The following PCDHA7 variants were observed in gnomAD, a reference collection of about 807,000 sequenced individuals.
PCDHA7 encodes the protein protocadherin alpha-7.
PCDHA7 carries 37 observed loss-of-function variants against 57.2 expected under a neutral mutation model. The ratio of observed to expected loss-of-function variants is 0.65; its 90% confidence interval spans 0.50 to 0.85. The LOEUF is 0.85. Among genes scored for constraint, PCDHA7 ranks in the 40% least tolerant of loss-of-function variants. The pLI is 0.00. For synonymous variants in PCDHA7, 553 were observed against 558.8 expected, an observed-to-expected ratio of 0.99 and a Z score of 0.15; for missense variants, 1,188 against 1,241.8, an observed-to-expected ratio of 0.96 and a Z score of 0.65.
intron 1 of PCDHA7, among the ~76,000 whole-genome samples, chr5:140,952,641 G>T (rs1033672347): frequency 1.3e-5 from 2 of 152,102 alleles, no homozygotes; most frequent in Non-Finnish European, 2.9e-5. Flanking sequence ...TCCAACCTGT[G>T]CCTGGTTACC....
chr5:140,968,257 T>C (rs781932747), intron 1 of PCDHA7: 2 of 1,613,946 alleles, frequency 1.2e-6, no homozygotes, highest in East Asian at 2.2e-5. Context: ...CAGACCCAGA[T>C]GAAAAGGAGA....
chr5:140,882,996 A>G lies in PCDHA7; in HGVS notation c.2355+46258A>G, dbSNP rs782381110. On this transcript the variant is annotated intron_variant, in intron 1 of 3. Transcript: ENST00000525929. The stretch of plus-strand genomic sequence containing the variant: ...GTGAATGACAACGCCCCGGAATTTT[A>G]CCAATCCGTTTATAAAGTGACGGTG... 2.9e-5 allele frequency: 46 copies of G among 1,614,024 alleles called. No individual in the cohort carries two copies. The Middle Eastern group carries it at 4.9e-4, about 17-fold the overall frequency.
intron 1 of PCDHA7, among the ~76,000 whole-genome samples, chr5:140,933,231 A>G (rs1488760874): frequency 4.6e-5 from 7 of 152,008 alleles, no homozygotes; most frequent in Non-Finnish European, 1.0e-4. Context: ...GCATTTATGA[A>G]AAAGAAAGGA....
rs1212055845 is a variant in PCDHA7 at position 140,857,419 on chromosome 5, C to T, written c.2355+20681C>T. On this transcript the variant is annotated intron_variant, in intron 1 of 3. Coordinates refer to ENST00000525929, the MANE Select transcript of PCDHA7 (RefSeq NM_018910.3). ...ACAACGCGCCTGCGTTCGCGCAGTC[C>T]GAGTACACGGTGTTCGTGAAGGAGA... The T allele has an allele frequency of 3.1e-6, 5 of 1,598,216 alleles. 1 individual carries two copies. The African/African-American group carries it at 6.7e-5, about 22-fold the overall frequency.
intron 1 of PCDHA7, among the ~76,000 whole-genome samples, chr5:140,964,575 G>A (rs2153740589): frequency 6.6e-6 from 1 of 152,212 alleles, no homozygotes; most frequent in East Asian, 1.9e-4. Flanking sequence ...GGAGATAAGG[G>A]GAGGAAAGAT....
chr5:140,935,894 CT>C (rs55841305), intron 1 of PCDHA7, among the ~76,000 whole-genome samples: 1,605 of 136,716 alleles, frequency 0.012, 14 homozygotes, highest in Non-Finnish European at 0.016. Context: ...TCAATATTAT[CT>C]TTTTTTTTTT....
rs782395968 is a variant in PCDHA7, at chr5:141,011,916, A to G, written c.*1979A>G. ...TATTATCTATTTAGGCATTAATATA[A>G]AAGAGGTAGGAGTCTGTTATTTAAA... On this transcript the variant is annotated 3_prime_UTR_variant, in exon 4 of 4. Coordinates refer to ENST00000525929, the MANE Select transcript of PCDHA7 (RefSeq NM_018910.3). 4 of 153,828 alleles carry G rather than the reference A, an allele frequency of 2.6e-5. No individual in the cohort carries two copies. The highest frequency in any genetic ancestry group is 4.4e-5 in the Non-Finnish European group (3 of 68,030). 9.5% of individuals were successfully genotyped at this position (153,828 alleles called of 1,614,324 possible). A position where few individuals can be genotyped will look rare whatever the true frequency, so the allele number is the denominator to read the frequency against.
chr5:140,968,444 A>G (rs781941315), intron 1 of PCDHA7: 1 of 1,614,048 alleles, frequency 6.2e-7, no homozygotes, highest in South Asian at 1.1e-5. Context: ...CCCACCACTG[A>G]GCAGCACTGT....
intron 1 of PCDHA7, chr5:140,876,994 G>C (rs375771604): frequency 3.7e-6 from 6 of 1,612,620 alleles, no homozygotes; most frequent in South Asian, 1.1e-5. Context: ...GTCGAGCTAC[G>C]TGTCGGTGCA....
chr5:140,881,326 C>G, intron 1 of PCDHA7: 1 of 984,388 alleles, frequency 1.0e-6, no homozygotes, highest in Non-Finnish European at 1.2e-6. Flanking sequence ...TTCTATTTAA[C>G]CAGGACGCCG....
chr5:140,945,539 A>G (rs1233256432), intron 1 of PCDHA7, among the ~76,000 whole-genome samples: 1 of 152,052 alleles, frequency 6.6e-6, no homozygotes, highest in Non-Finnish European at 1.5e-5. Flanking sequence ...AAACATACAA[A>G]CAAAAAAATG....
intron 1 of PCDHA7, chr5:140,856,279 T>A (rs1554148476): frequency 1.3e-6 from 2 of 1,598,260 alleles, no homozygotes; most frequent in East Asian, 2.2e-5. Flanking sequence ...TGGAGGTAAA[T>A]CTGCAGAATG....
At chr5:140,854,066 G>A (rs1554146981) in intron 1 of PCDHA7, 1 of 273,774 alleles carries the variant, frequency 3.7e-6, no homozygotes, top group Non-Finnish European at 5.6e-6. Context: ...GGAGGCTGAG[G>A]CGAGAGAATC....
At chr5:140,868,461 GC>G (rs1399202356) in intron 1 of PCDHA7, 1 of 152,356 alleles carries the variant, frequency 6.6e-6, no homozygotes, top group African/African-American at 2.4e-5. Flanking sequence ...CTAAAGAGCT[GC>G]TTTTATAAAA....
intron 1 of PCDHA7, chr5:140,870,622 G>A (rs377101052): frequency 6.2e-7 from 1 of 1,613,120 alleles, no homozygotes; most frequent in Admixed American, 1.7e-5. Flanking sequence ...GTCGAGCTAC[G>A]TGTCGGTGCA....
At chr5:141,004,952 C>T (rs543938360) in intron 3 of PCDHA7, among the ~76,000 whole-genome samples, 52 of 152,346 alleles carry the variant, frequency 3.4e-4, no homozygotes, top group African/African-American at 1.2e-3. Context: ...TACCCTCTCT[C>T]GTCACTGCCT....
intron 1 of PCDHA7, chr5:140,875,686 G>A: frequency 6.2e-7 from 1 of 1,613,582 alleles, no homozygotes; most frequent in Non-Finnish European, 8.5e-7. Flanking sequence ...CAAAAGACAC[G>A]GGGACCTTCT....
In PCDHA7 at chr5:141,009,951, A is replaced by G. The variant is rs2303646; in HGVS notation, c.*14A>G. On this transcript the variant is annotated 3_prime_UTR_variant, in exon 4 of 4. Coordinates refer to ENST00000525929, the MANE Select transcript of PCDHA7 (RefSeq NM_018910.3). ...AGTGACCAGTGAGGTCCTCAAATGGAAACAAGCCACTTAGCCAGTTTTTGT... is the reference window on the plus strand; with the variant it reads ...AGTGACCAGTGAGGTCCTCAAATGGGAACAAGCCACTTAGCCAGTTTTTGT... 5,767 of 1,593,458 alleles carry G rather than the reference A, an allele frequency of 3.6e-3. 231 individuals are homozygous for G. In the East Asian group the frequency reaches 0.095, roughly 26 times the overall value.
rs2150475793 is a variant in PCDHA7, at chr5:140,850,253, C to T, written c.2355+13515C>T. The T allele has an allele frequency of 4.7e-5, 75 of 1,593,644 alleles. 4 individuals carry two copies. The highest frequency in any genetic ancestry group is 6.3e-5 in the Non-Finnish European group (73 of 1,167,036). On this transcript the variant is annotated intron_variant, in intron 1 of 3. Coordinates refer to ENST00000525929, the MANE Select transcript of PCDHA7 (RefSeq NM_018910.3). ...GCGAGATGGTGCTGCGGTCGGTGGG[C>T]GCCGGCGTAGTGGTGGGGAAGGTGC...
Sources: gnomAD v4.1 joint callset for allele counts (sites outside exome capture counted in the v4.1 genomes callset) on GRCh38, gnomAD v4.1.1 for gene constraint, MANE v1.5 for transcripts, NCBI Gene and HGNC (gene_info 2026-07-23, HGNC 2026-07-21) for gene names.